Variants in ARIH1 observed in about 807,000 individuals in gnomAD.
The protein encoded by ARIH1 is ariadne RBR E3 ubiquitin protein ligase 1.
In ARIH1, 8 loss-of-function variants were observed where a neutral mutation model predicts 85.0. The observed-to-expected ratio is 0.09, with a 90% CI of 0.06 to 0.17. The LOEUF is 0.17. ARIH1 is among the 10% of genes least tolerant of loss of function. The pLI, the probability that ARIH1 is intolerant of heterozygous loss-of-function variation, is 1.00. For synonymous variants in ARIH1, 238 were observed against 253.6 expected (o/e 0.94, Z 0.59); for missense variants, 311 against 718.1 (o/e 0.43, Z 6.48).
intron 11 of ARIH1, among the ~76,000 whole-genome samples, chr15:72,579,394 T>C (rs539319734): frequency 6.6e-6 from 1 of 152,240 alleles, no homozygotes; most frequent in Non-Finnish European, 1.5e-5. Context: ...CCCAGAATAC[T>C]TAATTGATTA....
At position 72,582,357 on chromosome 15, in the gene ARIH1, G is replaced by A. The variant is rs576872076; in HGVS notation, c.1589+170G>A. 6.6e-6 allele frequency among the ~76,000 whole-genome samples: 1 copy of A among 152,248 alleles called. No individual in the cohort carries two copies. Among genetic ancestry groups the A allele is most frequent in the South Asian group, 2.1e-4 (1 of 4,830 alleles). On this transcript the variant is annotated intron_variant, in intron 13 of 13. Transcript: ENST00000379887. The surrounding 1 kb of genome is among the most constrained non-coding windows in gnomAD (Gnocchi z 4.6). Reference sequence around the variant, plus strand: ...CACTAAATTGCAGGTAATAGTATTGGTGAAGCATACATAGAGAAGGAATTC... The same window carrying A: ...CACTAAATTGCAGGTAATAGTATTGATGAAGCATACATAGAGAAGGAATTC...
chr15:72,539,002 T>C (rs190111689), intron 2 of ARIH1, among the ~76,000 whole-genome samples: 30 of 152,348 alleles, frequency 2.0e-4, no homozygotes, highest in African/African-American at 7.2e-4. Flanking sequence ...CTTGTTTTTT[T>C]ACTTTGATCA....
chr15:72,598,923 T>C lies in ARIH1; in HGVS notation c.*15631T>C, dbSNP rs1308922437. ...AGTTTGGGTCTCGCTATGTTGCCTG[T>C]GATCCTCCCACCTTGGTTTTCCAAA... On this transcript the variant is annotated 3_prime_UTR_variant, in exon 14 of 14. Coordinates refer to ENST00000379887, the MANE Select transcript of ARIH1 (RefSeq NM_005744.5). 3 of 151,514 alleles carry C rather than the reference T, an allele frequency of 2.0e-5. No homozygotes were observed. The highest frequency in any genetic ancestry group is 7.3e-5 in the African/African-American group (3 of 41,226). The allele number at this position is 151,514 out of a possible 1,614,324, so 9.4% of individuals were successfully genotyped here.
chr15:72,567,257 G>T lies in ARIH1; in HGVS notation c.1026+80G>T. ...TTGGCATTAGCAAAAGCAATGAGGT[G>T]ACCTACTTACAGGCTTTGTTTCATC... is the stretch of plus-strand genomic sequence containing the variant. On this transcript the variant is annotated intron_variant, in intron 9 of 13. Transcript: ENST00000379887. 5.6e-6 allele frequency: 6 copies of T among 1,076,058 alleles called. No homozygotes were observed. In the South Asian group the frequency reaches 5.8e-5, roughly 10 times the overall value. The allele number at this position is 1,076,058 out of a possible 1,614,324, so 66.7% of individuals were successfully genotyped here.
intron 1 of ARIH1, among the ~76,000 whole-genome samples, chr15:72,484,488 G>T (rs1423934849): frequency 6.6e-6 from 1 of 151,564 alleles, no homozygotes; most frequent in Non-Finnish European, 1.5e-5. Flanking sequence ...TGATAGCTTA[G>T]CTCCCACTTA....
At chr15:72,482,321 T>TA (rs1382231843) in intron 1 of ARIH1, among the ~76,000 whole-genome samples, 1 of 152,218 alleles carries the variant, frequency 6.6e-6, no homozygotes, top group African/African-American at 2.4e-5. Context: ...TGAGAAGACT[T>TA]ATTCTTAAGG....
chr15:72,576,922 C>T (rs905275784), intron 11 of ARIH1, among the ~76,000 whole-genome samples: 1 of 152,052 alleles, frequency 6.6e-6, no homozygotes. Flanking sequence ...GAAGCCTTAC[C>T]GATAACATAG....
chr15:72,515,668 T>C (rs1475693830), intron 1 of ARIH1, among the ~76,000 whole-genome samples: 2 of 152,220 alleles, frequency 1.3e-5, no homozygotes, highest in Admixed American at 1.3e-4. Flanking sequence ...TCTTCAGTTT[T>C]CAAAGTCTTT....
chr15:72,549,235 C>T (rs2064142806), intron 3 of ARIH1, among the ~76,000 whole-genome samples: 1 of 151,680 alleles, frequency 6.6e-6, no homozygotes, highest in African/African-American at 2.4e-5. Context: ...TTACAGCCGC[C>T]CACCACCACA....
chr15:72,561,719 T>C (rs1277408571), intron 6 of ARIH1, among the ~76,000 whole-genome samples, 170 bp downstream of exon 6: 2 of 152,218 alleles, frequency 1.3e-5, no homozygotes, highest in East Asian at 3.9e-4. Context: ...TGGTGGCTCA[T>C]GCCTGTAATC....
chr15:72,498,243 G>GTTT (rs11335721), intron 1 of ARIH1, among the ~76,000 whole-genome samples: 3 of 151,104 alleles, frequency 2.0e-5, no homozygotes, highest in African/African-American at 7.4e-5. Context: ...CAACCAAAAT[G>GTTT]TTTTTTTTTT....
intron 1 of ARIH1, among the ~76,000 whole-genome samples, chr15:72,488,843 A>G (rs2063847584): frequency 6.6e-6 from 1 of 152,238 alleles, no homozygotes. Context: ...TTCCAAGAGG[A>G]CAAGCTTCTT....
Position 72,589,783 on chromosome 15 carries a change from A to G in ARIH1, c.*6491A>G, listed in dbSNP as rs1405852644. 6.6e-6 allele frequency: 1 copy of G among 152,170 alleles called. No homozygotes were observed. Among genetic ancestry groups the G allele is most frequent in the African/African-American group, 2.4e-5 (1 of 41,458 alleles). 9.4% of individuals were successfully genotyped at this position (152,170 alleles called of 1,614,324 possible). ...TGGTATATGGTAGATACTCGTGGCT[A>G]CTTAGTATTTACCAAATGCTTTGTT... On this transcript the variant is annotated 3_prime_UTR_variant, in exon 14 of 14. Transcript: ENST00000379887.
At chr15:72,549,395 C>A (rs894568177) in intron 3 of ARIH1, among the ~76,000 whole-genome samples, 2 of 152,052 alleles carry the variant, frequency 1.3e-5, no homozygotes, top group African/African-American at 4.8e-5. Context: ...GCCAGTGTCT[C>A]ATTTTTATGA....
intron 2 of ARIH1, among the ~76,000 whole-genome samples, chr15:72,532,256 CAG>C (rs2140418017): frequency 6.8e-6 from 1 of 147,982 alleles, no homozygotes; most frequent in East Asian, 2.0e-4. Context: ...GGAATGAAAA[CAG>C]AGTATCACTA....
At position 72,582,487 on chromosome 15, in the gene ARIH1, T is replaced by A. The variant is rs2064298705; in HGVS notation, c.1589+300T>A. ...GGCCAAGTGGCCTTTAGGATGAGAGTGAGAATTGAATGTTGGTCTTAGCCT... is the reference window on the plus strand; with the variant it reads ...GGCCAAGTGGCCTTTAGGATGAGAGAGAGAATTGAATGTTGGTCTTAGCCT... On this transcript the variant is annotated intron_variant, in intron 13 of 13. Transcript: ENST00000379887. This position sits in a 1 kb window ranked among gnomAD's most constrained non-coding sequence, Gnocchi z 4.6. 6.6e-6 allele frequency among the ~76,000 whole-genome samples: 1 copy of A among 151,812 alleles called. No individual in the cohort carries two copies. The highest frequency in any genetic ancestry group is 2.4e-5 in the African/African-American group (1 of 41,314).
chr15:72,578,210 T>C (rs78746568), intron 11 of ARIH1, among the ~76,000 whole-genome samples: 231 of 152,326 alleles, frequency 1.5e-3, no homozygotes, highest in East Asian at 7.5e-3. Flanking sequence ...ATGGGCTCTG[T>C]TGTAGATACT....
intron 11 of ARIH1, chr15:72,572,419 G>T: frequency 3.5e-6 from 1 of 288,292 alleles, no homozygotes; most frequent in East Asian, 7.3e-5. Flanking sequence ...TGTATTTTTA[G>T]TAGTCAGTCT....
rs2064351741 is a variant in ARIH1 at position 72,593,665 on chromosome 15, A to G, written c.*10373A>G. The stretch of plus-strand genomic sequence containing the variant: ...CTACATTTTCTGTTCTGTTCCATTA[A>G]TCTATTTGTGTATCCTTACATCAGT... On this transcript the variant is annotated 3_prime_UTR_variant, in exon 14 of 14. Transcript: ENST00000379887. The G allele has an allele frequency of 6.6e-6, 1 of 152,176 alleles. No individual in the cohort carries two copies. Among genetic ancestry groups the G allele is most frequent in the Admixed American group, 6.5e-5 (1 of 15,270 alleles). 9.4% of individuals were successfully genotyped at this position (152,176 alleles called of 1,614,324 possible). A position where few individuals can be genotyped will look rare whatever the true frequency, so the allele number is the denominator to read the frequency against.
Sources: gnomAD v4.1 joint callset for allele counts (sites outside exome capture counted in the v4.1 genomes callset) on GRCh38, gnomAD v4.1.1 for gene constraint, Gnocchi (gnomAD v3.1) non-coding constraint, MANE v1.5 for transcripts, NCBI Gene and HGNC (gene_info 2026-07-23, HGNC 2026-07-21) for gene names.